MEGF9: variants seen among roughly 807,000 people sequenced by gnomAD.
MEGF9 encodes multiple EGF like domains 9.
MEGF9 carries 6 observed loss-of-function variants against 46.8 expected under a neutral mutation model. The ratio of observed to expected loss-of-function variants is 0.13; its 90% CI spans 0.07 to 0.25. MEGF9 has a LOEUF of 0.25. Among genes scored for constraint, MEGF9 ranks in the 10% least tolerant of loss-of-function variants. The pLI is 1.00. For synonymous variants in MEGF9, 302 were observed against 330.7 expected (o/e 0.91, Z 0.94); for missense variants, 683 against 792.4 (o/e 0.86, Z 1.66).
intron 2 of MEGF9, among the ~76,000 whole-genome samples, chr9:120,658,582 A>T (rs942969150): frequency 9.2e-5 from 14 of 152,326 alleles, no homozygotes; most frequent in African/African-American, 3.4e-4. Flanking sequence ...TGCCCAAGGA[A>T]CACAGCTCCT....
Position 120,619,716 on chromosome 9 carries a change from T to C in MEGF9, c.943+2900A>G, listed in dbSNP as rs569913980. 1.7e-4 allele frequency among the ~76,000 whole-genome samples: 26 copies of C among 152,344 alleles called. No homozygotes were observed. The East Asian group carries it at 2.7e-3, about 16-fold the overall frequency. On this transcript the variant is annotated intron_variant, in intron 3 of 5. Transcript: ENST00000373930. ...TTCTTAAGAATTTAGAATTCTTTCCTTAGAATAGATTCCTGGAAATAGAAC... is the reference window on the plus strand; with the variant it reads ...TTCTTAAGAATTTAGAATTCTTTCCCTAGAATAGATTCCTGGAAATAGAAC...
chr9:120,606,309 A>C (rs1005073936), intron 5 of MEGF9, among the ~76,000 whole-genome samples: 1 of 152,250 alleles, frequency 6.6e-6, no homozygotes, highest in African/African-American at 2.4e-5. Flanking sequence ...ACATAGTTAA[A>C]AGTAACAGGG....
chr9:120,610,420 C>T (rs1763171001), intron 4 of MEGF9, among the ~76,000 whole-genome samples: 2 of 152,166 alleles, frequency 1.3e-5, no homozygotes, highest in South Asian at 4.1e-4. Context: ...AATGTGCTGC[C>T]TGATGTTTCA....
chr9:120,701,559 C>A (rs1274341342), intron 1 of MEGF9, among the ~76,000 whole-genome samples: 1 of 152,126 alleles, frequency 6.6e-6, no homozygotes, highest in Non-Finnish European at 1.5e-5. Flanking sequence ...AACAGCAATC[C>A]CGTCTGATCT....
chr9:120,670,247 C>T (rs544422338), intron 1 of MEGF9, among the ~76,000 whole-genome samples: 3 of 152,280 alleles, frequency 2.0e-5, no homozygotes, highest in South Asian at 4.1e-4. Context: ...CAGGCATACA[C>T]CACTATGCCT....
chr9:120,690,932 T>C (rs2043845286), intron 1 of MEGF9, among the ~76,000 whole-genome samples: 1 of 152,190 alleles, frequency 6.6e-6, no homozygotes, highest in Non-Finnish European at 1.5e-5. Context: ...ATAAATATTT[T>C]ATTGAACTCA....
At chr9:120,630,925 G>A (rs2043547988) in intron 2 of MEGF9, among the ~76,000 whole-genome samples, 1 of 152,168 alleles carries the variant, frequency 6.6e-6, no homozygotes, top group African/African-American at 2.4e-5. Flanking sequence ...CTCCCATTCT[G>A]CATATTGTCT....
chr9:120,704,496 C>T (rs2043919712), intron 1 of MEGF9, among the ~76,000 whole-genome samples: 1 of 152,158 alleles, frequency 6.6e-6, no homozygotes, highest in East Asian at 1.9e-4. Flanking sequence ...GCAAACAGTC[C>T]TCTTCTCCAA....
chr9:120,606,671 T>G (rs928521151), intron 5 of MEGF9, among the ~76,000 whole-genome samples: 1 of 152,192 alleles, frequency 6.6e-6, no homozygotes, highest in African/African-American at 2.4e-5. Context: ...TTTCCTTATC[T>G]GTAAAATGTG....
chr9:120,702,636 G>T (rs1384997416), intron 1 of MEGF9, among the ~76,000 whole-genome samples: 1 of 152,162 alleles, frequency 6.6e-6, no homozygotes, highest in East Asian at 1.9e-4. Flanking sequence ...ATCATAAAAT[G>T]TTAGAGTAGG....
Position 120,641,876 on chromosome 9 carries a change from G to A in MEGF9, c.803+17498C>T, listed in dbSNP as rs558547717. Reference sequence around the variant, plus strand: ...GGTACTTAAGGCAATCAACCTCAGCGGTCTGTCAAGTCCCATTTGCTACTG... The same window carrying A: ...GGTACTTAAGGCAATCAACCTCAGCAGTCTGTCAAGTCCCATTTGCTACTG... On this transcript the variant is annotated intron_variant, in intron 2 of 5. Transcript: ENST00000373930. Among the ~76,000 whole-genome samples the A allele has an allele frequency of 3.3e-5, 5 of 152,184 alleles. No homozygotes were observed. The East Asian group carries it at 5.8e-4, about 18-fold the overall frequency.
intron 1 of MEGF9, among the ~76,000 whole-genome samples, chr9:120,688,210 G>A (rs1215870152): frequency 6.6e-6 from 1 of 151,478 alleles, no homozygotes; most frequent in Non-Finnish European, 1.5e-5. Context: ...CAGAGATCAA[G>A]TTAGGAGATT....
chr9:120,669,877 C>A (rs1249741367), intron 1 of MEGF9, among the ~76,000 whole-genome samples: 1 of 152,010 alleles, frequency 6.6e-6, no homozygotes, highest in Non-Finnish European at 1.5e-5. Flanking sequence ...ACAATAAATG[C>A]TCTAAAATAA....
At chr9:120,653,930 G>C (rs1358478897) in intron 2 of MEGF9, among the ~76,000 whole-genome samples, 1 of 152,210 alleles carries the variant, frequency 6.6e-6, no homozygotes, top group Non-Finnish European at 1.5e-5. Context: ...AGAGATAACA[G>C]TGAGCCAAGT....
intron 1 of MEGF9, among the ~76,000 whole-genome samples, chr9:120,665,401 C>T (rs1228632726): frequency 1.3e-5 from 2 of 152,084 alleles, no homozygotes; most frequent in Non-Finnish European, 2.9e-5. Context: ...GATGGTGTTT[C>T]ACCATGTTGT....
chr9:120,634,494 G>A (rs1290594432), intron 2 of MEGF9, among the ~76,000 whole-genome samples: 8 of 87,080 alleles, frequency 9.2e-5, no homozygotes, highest in South Asian at 4.2e-4. Context: ...TCTCGCTGTC[G>A]CCCAGGCTGG....
At chr9:120,677,929 C>G (rs1034700605) in intron 1 of MEGF9, among the ~76,000 whole-genome samples, 1 of 152,170 alleles carries the variant, frequency 6.6e-6, no homozygotes, top group Non-Finnish European at 1.5e-5. Context: ...ATGCAACCCC[C>G]GACTACTCTT....
At chr9:120,683,380 C>T (rs1475459345) in intron 1 of MEGF9, among the ~76,000 whole-genome samples, 1 of 152,216 alleles carries the variant, frequency 6.6e-6, no homozygotes, top group Non-Finnish European at 1.5e-5. Context: ...TCCTCATAAT[C>T]TCCATGTGTT....
intron 2 of MEGF9, among the ~76,000 whole-genome samples, chr9:120,627,394 T>G (rs2043529947): frequency 6.6e-6 from 1 of 152,256 alleles, no homozygotes; most frequent in Admixed American, 6.5e-5. Context: ...ATGTATATTT[T>G]TAGGTATCAC....
Sources: allele counts gnomAD v4.1 joint callset (sites outside exome capture counted in the v4.1 genomes callset), GRCh38; gene constraint gnomAD v4.1.1; transcripts MANE v1.5; gene names NCBI Gene and HGNC (gene_info 2026-07-23, HGNC 2026-07-21).